Variants in XYLB observed in about 807,000 individuals in gnomAD.
XYLB encodes xylulose kinase.
In XYLB, 62 loss-of-function variants were observed where a neutral mutation model predicts 78.7. The ratio of observed to expected loss-of-function variants is 0.79; its 90% CI spans 0.64 to 0.97. XYLB has a LOEUF of 0.97. XYLB is among the 50% of genes least tolerant of loss of function. The pLI, the probability that XYLB is intolerant of heterozygous loss-of-function variation, is 0.00. For synonymous variants in XYLB, 245 were observed against 247.4 expected (o/e 0.99, Z 0.09); for missense variants, 687 against 676.8 (o/e 1.02, Z -0.17).
At chr3:38,435,243 T>G in the XYLB span, among the ~76,000 whole-genome samples, 1 of 152,044 alleles carries the variant, frequency 6.6e-6, no homozygotes, top group South Asian at 2.1e-4. Flanking sequence ...GAAAAAGATA[T>G]TCCATACAAA....
At chr3:38,408,227 AACTC>A (rs1708415745) in intron 18 of XYLB, among the ~76,000 whole-genome samples, 1 of 152,148 alleles carries the variant, frequency 6.6e-6, no homozygotes, top group Non-Finnish European at 1.5e-5. Flanking sequence ...AGGATTAAGA[AACTC>A]ACTCAAAACC....
intron 17 of XYLB, 39 bp downstream of exon 17, chr3:38,397,198 C>A: frequency 6.3e-7 from 1 of 1,596,070 alleles, no homozygotes; most frequent in Non-Finnish European, 8.6e-7. Context: ...CTGGAAGTGG[C>A]CAGGACATGG....
intron 9 of XYLB, 189 bp from the exon 10 acceptor site, chr3:38,372,466 G>A (rs1029740322): frequency 3.0e-6 from 3 of 985,272 alleles, no homozygotes; most frequent in African/African-American, 3.5e-5. Context: ...CTTCTCTGGC[G>A]ATTTGTGAAC....
the XYLB span, among the ~76,000 whole-genome samples, chr3:38,438,282 T>C: frequency 2.0e-5 from 3 of 151,722 alleles, no homozygotes; most frequent in Non-Finnish European, 4.4e-5. Context: ...TAAAATAAAA[T>C]ACCCAGGAAC....
intron 1 of XYLB, among the ~76,000 whole-genome samples, chr3:38,347,675 CAA>C (rs781130225): frequency 1.0e-4 from 14 of 137,824 alleles, no homozygotes; most frequent in Admixed American, 7.2e-5. Flanking sequence ...GACCCTGTCT[CAA>C]AAAAAAAAAA....
the XYLB span, chr3:38,451,246 C>CT: frequency 6.6e-6 from 1 of 152,172 alleles, no homozygotes; most frequent in Non-Finnish European, 1.5e-5. Flanking sequence ...TCTTTTGATA[C>CT]TTTTTATGGC....
chr3:38,421,813 C>T (rs1253974021), downstream of XYLB, among the ~76,000 whole-genome samples: 2 of 152,130 alleles, frequency 1.3e-5, no homozygotes, highest in Admixed American at 6.5e-5. Context: ...TACACCCCCT[C>T]ATTATTTTGA....
At chr3:38,366,661 A>T (rs1044925466) in intron 6 of XYLB, 147 bp from the exon 7 acceptor site, 6 of 596,284 alleles carry the variant, frequency 1.0e-5, no homozygotes, top group Middle Eastern at 3.9e-4. Flanking sequence ...ACAAGCGCAC[A>T]CTACTGTGCC....
At chr3:38,422,621 GA>G (rs1709014519), downstream of XYLB, among the ~76,000 whole-genome samples, 1 of 152,072 alleles carries the variant, frequency 6.6e-6, no homozygotes, top group Non-Finnish European at 1.5e-5. Context: ...TTTGCATTGT[GA>G]AGGACCCCAT....
intron 18 of XYLB, among the ~76,000 whole-genome samples, chr3:38,410,874 G>A (rs1349944755): frequency 6.6e-6 from 1 of 151,750 alleles, no homozygotes; most frequent in African/African-American, 2.4e-5. Flanking sequence ...TAAAAAGTCA[G>A]GAAACAACAG....
At chr3:38,420,297 T>A (rs1484033445) in exon 18 of XYLB, among the ~76,000 whole-genome samples, 1 of 152,254 alleles carries the variant, frequency 6.6e-6, no homozygotes, top group African/African-American at 2.4e-5. Context: ...TTCATTTTCT[T>A]GCCTTTCTGC....
chr3:38,370,422 C>T (rs1415122470), intron 9 of XYLB: 4 of 383,996 alleles, frequency 1.0e-5, no homozygotes, highest in Non-Finnish European at 1.9e-5. Context: ...TGGAAAATTC[C>T]ACTAGAAATT....
the XYLB span, among the ~76,000 whole-genome samples, chr3:38,444,030 T>C: frequency 1.3e-5 from 2 of 152,198 alleles, no homozygotes; most frequent in Non-Finnish European, 2.9e-5. Context: ...TATCATTTAC[T>C]TGACTAAAAT....
chr3:38,347,374 C>G (rs1163063367), intron 1 of XYLB, among the ~76,000 whole-genome samples: 1 of 152,220 alleles, frequency 6.6e-6, no homozygotes, highest in Non-Finnish European at 1.5e-5. Flanking sequence ...TAGCCCAAAA[C>G]CTTTTTTTAA....
chr3:38,364,348 T>C (rs1422137760), intron 4 of XYLB, among the ~76,000 whole-genome samples: 1 of 151,870 alleles, frequency 6.6e-6, no homozygotes, highest in Non-Finnish European at 1.5e-5. Context: ...CGCAGCCTCC[T>C]TGCCTCCAGC....
downstream of XYLB, among the ~76,000 whole-genome samples, chr3:38,425,658 G>T (rs369654456): frequency 1.8e-4 from 27 of 152,276 alleles, no homozygotes; most frequent in East Asian, 1.7e-3. Context: ...AATAACATGG[G>T]GTAGAGGTTA....
At chr3:38,370,628 G>A (rs1335713621) in intron 9 of XYLB, among the ~76,000 whole-genome samples, 1 of 152,170 alleles carries the variant, frequency 6.6e-6, no homozygotes. Flanking sequence ...TCAGCTTTGT[G>A]ACTTTGTGTC....
intron 14 of XYLB, among the ~76,000 whole-genome samples, chr3:38,378,911 G>GTT (rs1707004682): frequency 6.6e-6 from 1 of 151,224 alleles, no homozygotes; most frequent in Admixed American, 6.6e-5. Flanking sequence ...CCTCTGTTTT[G>GTT]TTAAGAAAAA....
chr3:38,349,504 G>A (rs1705242974), intron 2 of XYLB, among the ~76,000 whole-genome samples: 1 of 152,208 alleles, frequency 6.6e-6, no homozygotes, highest in African/African-American at 2.4e-5. Context: ...ATTCAGGTAT[G>A]AAATGATGGA....
Sources: allele counts gnomAD v4.1 joint callset (sites outside exome capture counted in the v4.1 genomes callset), GRCh38; gene constraint gnomAD v4.1.1; transcripts MANE v1.5; gene names NCBI Gene and HGNC (gene_info 2026-07-23, HGNC 2026-07-21).